The following SLC25A26 variants were observed in gnomAD, a reference collection of about 807,000 sequenced individuals.
SLC25A26 encodes the protein mitochondrial S-adenosylmethionine carrier protein.
Under a neutral mutation model 37.8 loss-of-function variants are expected in SLC25A26, and 36 were observed. The ratio of observed to expected loss-of-function variants is 0.95; its 90% CI spans 0.73 to 1.26. The LOEUF (loss-of-function observed/expected upper bound fraction) is 1.26. Among genes scored for constraint, SLC25A26 ranks in the 50% most tolerant of loss-of-function variants. The probability of loss-of-function intolerance (pLI) is 0.00; values close to 1 mark genes in which losing one functional copy is unlikely to be tolerated. For synonymous variants in SLC25A26, 129 were observed against 122.5 expected, an observed-to-expected ratio of 1.05 and a Z score of -0.35; for missense variants, 390 against 331.1, an observed-to-expected ratio of 1.18 and a Z score of -1.38.
At chr3:66,269,044 T>C (rs775207646) in intron 5 of SLC25A26, among the ~76,000 whole-genome samples, 1 of 152,182 alleles carries the variant, frequency 6.6e-6, no homozygotes, top group Non-Finnish European at 1.5e-5. Flanking sequence ...CACCCAAGTG[T>C]GGAATGCAGC....
intron 1 of SLC25A26, among the ~76,000 whole-genome samples, chr3:66,223,600 G>A (rs576855461): frequency 6.6e-6 from 1 of 152,262 alleles, no homozygotes; most frequent in African/African-American, 2.4e-5. Flanking sequence ...CCAGTACCTG[G>A]CACTAGGTAA....
Position 66,377,819 on chromosome 3 carries a change from G to A in SLC25A26, c.*12G>A. On this transcript the variant is annotated 3_prime_UTR_variant, in exon 10 of 10. Coordinates refer to ENST00000354883, the MANE Select transcript of SLC25A26 (RefSeq NM_001379210.1). ...GAAAGAGTCCTTGAAGCAGAGACAA[G>A]CCTCACCTCCACTTCTGTCAAGAGA... The A allele has an allele frequency of 3.8e-6, 6 of 1,595,840 alleles. No homozygotes were observed. Among genetic ancestry groups the A allele is most frequent in the Non-Finnish European group, 5.2e-6 (6 of 1,163,548 alleles).
chr3:66,345,208 C>G (rs988030666), intron 5 of SLC25A26, among the ~76,000 whole-genome samples: 3 of 152,276 alleles, frequency 2.0e-5, no homozygotes, highest in African/African-American at 7.2e-5. Flanking sequence ...GATCAGTGCT[C>G]AGACCCACGT....
At chr3:66,248,459 A>G (rs1348979740) in intron 3 of SLC25A26, among the ~76,000 whole-genome samples, 1 of 152,208 alleles carries the variant, frequency 6.6e-6, no homozygotes, top group Non-Finnish European at 1.5e-5. Context: ...GGGCAGGTTT[A>G]CTTTAACGGT....
chr3:66,222,288 C>T (rs1048765905), intron 1 of SLC25A26, among the ~76,000 whole-genome samples: 1 of 151,364 alleles, frequency 6.6e-6, no homozygotes, highest in Non-Finnish European at 1.5e-5. Context: ...TCACGCCATT[C>T]TCCTGCCTCA....
Position 66,208,883 on chromosome 3 carries a change from T to TAC in SLC25A26, c.-353-11858_-353-11857insCA, listed in dbSNP as rs1553655944. ...ATATGGGTGTGTGTATATATATATA[T>TAC]ATACACCTTTATATGGGTATATATA... On this transcript the variant is annotated intron_variant, in intron 1 of 10. Coordinates refer to the SLC25A26 transcript ENST00000676754. Among the ~76,000 whole-genome samples the TAC allele has an allele frequency of 2.9e-3, 185 of 62,820 alleles. 5 individuals are homozygous for TAC. Among genetic ancestry groups the TAC allele is most frequent in the Non-Finnish European group, 7.2e-3 (160 of 22,096 alleles). The allele number at this position is 62,820 out of a possible 152,430, so 41.2% of individuals were successfully genotyped here.
At chr3:66,302,390 A>G (rs2075101490) in intron 5 of SLC25A26, among the ~76,000 whole-genome samples, 1 of 152,224 alleles carries the variant, frequency 6.6e-6, no homozygotes. Context: ...TCTGCATGGC[A>G]GTAATTGTCT....
intron 5 of SLC25A26, among the ~76,000 whole-genome samples, chr3:66,288,685 A>T (rs1370476778): frequency 2.6e-5 from 4 of 152,132 alleles, no homozygotes; most frequent in Non-Finnish European, 5.9e-5. Flanking sequence ...CATAGTATTC[A>T]ATGATGTATA....
At chr3:66,209,442 G>GAT (rs1183636546) in intron 1 of SLC25A26, among the ~76,000 whole-genome samples, 10 of 135,218 alleles carry the variant, frequency 7.4e-5, no homozygotes, top group Non-Finnish European at 1.1e-4. Flanking sequence ...GTCACATAAA[G>GAT]ATATATATAT....
intron 1 of SLC25A26, among the ~76,000 whole-genome samples, chr3:66,167,768 A>T (rs2070444175): frequency 6.6e-6 from 1 of 152,314 alleles, no homozygotes; most frequent in Admixed American, 6.5e-5. Flanking sequence ...TTCCCTTGAC[A>T]TTAAGCTAAT....
At chr3:66,228,448 A>C (rs1034062439) in intron 1 of SLC25A26, among the ~76,000 whole-genome samples, 4 of 152,242 alleles carry the variant, frequency 2.6e-5, no homozygotes, top group Non-Finnish European at 5.9e-5. Flanking sequence ...AATACAGACA[A>C]AATTTGGGTA....
chr3:66,358,784 G>A (rs1401347546), intron 6 of SLC25A26, among the ~76,000 whole-genome samples: 1 of 152,158 alleles, frequency 6.6e-6, no homozygotes, highest in Non-Finnish European at 1.5e-5. Flanking sequence ...GAGCCACAAT[G>A]TTTTTGTCTA....
At chr3:66,182,404 GGCA>G (rs1448211250) in intron 1 of SLC25A26, among the ~76,000 whole-genome samples, 8 of 152,068 alleles carry the variant, frequency 5.3e-5, no homozygotes, top group Non-Finnish European at 1.2e-4. Flanking sequence ...TAAGAGTTAT[GGCA>G]ATTCCCAATG....
intron 1 of SLC25A26, among the ~76,000 whole-genome samples, chr3:66,205,079 T>C (rs1377463203): frequency 6.6e-6 from 1 of 152,210 alleles, no homozygotes. Context: ...ACTGAAAGAT[T>C]AAGTTGTGCA....
intron 5 of SLC25A26, among the ~76,000 whole-genome samples, chr3:66,320,134 G>GT (rs1170165416): frequency 1.3e-5 from 2 of 152,016 alleles, no homozygotes; most frequent in African/African-American, 2.4e-5. Flanking sequence ...AAAATTTGCC[G>GT]TTTTTTAACA....
intron 5 of SLC25A26, among the ~76,000 whole-genome samples, chr3:66,292,628 C>G (rs1010834553): frequency 6.6e-6 from 1 of 152,224 alleles, no homozygotes; most frequent in Non-Finnish European, 1.5e-5. Context: ...GGCCTCCACT[C>G]TCCTCTGGCT....
At chr3:66,159,394 T>C (rs1411702436) in intron 1 of SLC25A26, among the ~76,000 whole-genome samples, 1 of 152,258 alleles carries the variant, frequency 6.6e-6, no homozygotes. Flanking sequence ...CATTACTGTT[T>C]TACAGACTGG....
At chr3:66,284,772 A>C (rs537408352) in intron 5 of SLC25A26, among the ~76,000 whole-genome samples, 2 of 152,342 alleles carry the variant, frequency 1.3e-5, no homozygotes, top group African/African-American at 4.8e-5. Flanking sequence ...ATGGTGCAGC[A>C]AATATATATT....
At chr3:66,264,848 G>T (rs991488598) in intron 5 of SLC25A26, among the ~76,000 whole-genome samples, 8 of 152,148 alleles carry the variant, frequency 5.3e-5, no homozygotes, top group Non-Finnish European at 7.3e-5. Context: ...TGGAGTCCTG[G>T]CACTGCAGGT....
Sources: gnomAD v4.1 joint callset for allele counts (sites outside exome capture counted in the v4.1 genomes callset) on GRCh38, gnomAD v4.1.1 for gene constraint, MANE v1.5 for transcripts, NCBI Gene and HGNC (gene_info 2026-07-23, HGNC 2026-07-21) for gene names.